The following SHOC1 variants were observed in gnomAD, a reference collection of about 807,000 sequenced individuals.
The protein encoded by SHOC1 is protein shortage in chiasmata 1 ortholog.
Under a neutral mutation model 179.2 loss-of-function variants are expected in SHOC1, and 136 were observed. That is an observed-to-expected ratio of 0.76 (90% CI 0.66 to 0.87). The LOEUF is 0.87. Among genes scored for constraint, SHOC1 ranks in the 40% least tolerant of loss-of-function variants. The probability of loss-of-function intolerance (pLI) is 0.00; values close to 1 mark genes in which losing one functional copy is unlikely to be tolerated. For synonymous variants in SHOC1, 489 were observed against 586.6 expected (o/e 0.83, Z 2.41); for missense variants, 1,538 against 1,700.8 (o/e 0.90, Z 1.68).
At chr9:111,747,605 C>T (rs1001638277) in intron 9 of SHOC1, among the ~76,000 whole-genome samples, 1 of 151,988 alleles carries the variant, frequency 6.6e-6, no homozygotes, top group African/African-American at 2.4e-5. Context: ...TGTTTTGAGA[C>T]AGAGTCTAGC....
intron 5 of SHOC1, among the ~76,000 whole-genome samples, chr9:111,771,510 TAAAGG>T (rs1835606733): frequency 6.6e-6 from 1 of 152,132 alleles, no homozygotes; most frequent in African/African-American, 2.4e-5. Flanking sequence ...AGTGGGTAAA[TAAAGG>T]AAAGTTTTCT....
At chr9:111,787,085 T>G (rs990604170) in intron 2 of SHOC1, among the ~76,000 whole-genome samples, 16 of 152,114 alleles carry the variant, frequency 1.1e-4, no homozygotes, top group African/African-American at 3.9e-4. Context: ...GACCTACTTT[T>G]GGGGGAAAAA....
intron 15 of SHOC1, among the ~76,000 whole-genome samples, chr9:111,719,028 T>A (rs1832921705): frequency 6.6e-6 from 1 of 152,182 alleles, no homozygotes; most frequent in African/African-American, 2.4e-5. Context: ...ATTGATGATC[T>A]ATTCAATGAA....
At chr9:111,751,849 A>G (rs1017025780) in intron 8 of SHOC1, among the ~76,000 whole-genome samples, 23 of 152,240 alleles carry the variant, frequency 1.5e-4, no homozygotes, top group Non-Finnish European at 3.1e-4. Context: ...AGGAATATTC[A>G]TCTACATTTC....
At chr9:111,756,615 A>G in intron 7 of SHOC1, 137 bp from the exon 8 acceptor site, 1 of 683,498 alleles carries the variant, frequency 1.5e-6, no homozygotes, top group Non-Finnish European at 2.4e-6. Flanking sequence ...TTAAAGCTAT[A>G]TATACTTTAA....
rs554150116 is a variant in SHOC1, at chr9:111,732,708, AATAC to A, written c.1418-4663_1418-4660del. On this transcript the variant is annotated intron_variant, in intron 12 of 27. Coordinates refer to ENST00000682961, the MANE Select transcript of SHOC1 (RefSeq NM_001378211.1). The stretch of plus-strand genomic sequence containing the variant: ...AAATTCTAGGATAGGGGAAACATAT[AATAC>A]ATAGTGACAGAAAGTATACCAGTGG... Among the ~76,000 whole-genome samples the A allele has an allele frequency of 1.0e-2, 1,518 of 152,282 alleles. 27 individuals carry two copies. Among genetic ancestry groups the A allele is most frequent in the African/African-American group, 0.034 (1,419 of 41,552 alleles).
Position 111,718,266 on chromosome 9 carries a change from C to A in SHOC1, c.2154G>T (p.Met718Ile), listed in dbSNP as rs1302828579. 3.8e-6 allele frequency: 6 copies of A among 1,593,502 alleles called. No individual in the cohort carries two copies. The highest frequency in any genetic ancestry group is 2.3e-5 in the South Asian group (2 of 86,518). Residue 718 changes from methionine to isoleucine, a missense_variant, in exon 16 of 28, where the codon ATG (methionine) becomes ATT (isoleucine). Met to Ile is a conservative substitution (Grantham distance 10, BLOSUM62 1). Transcript: ENST00000682961. ...VRQGTIDERE[M>I]TFKHAALLHL... ...GTAAGAGAGCGGCATGCTTGAAAGT[C>A]ATTTCTCTTTCATCAATTGTACCTA...
chr9:111,759,668 A>G, intron 5 of SHOC1: 1 of 639,434 alleles, frequency 1.6e-6, no homozygotes, highest in Non-Finnish European at 2.0e-6. Flanking sequence ...CAAGTTCCCA[A>G]AAAAGAAAGC....
intron 22 of SHOC1, among the ~76,000 whole-genome samples, chr9:111,703,071 T>C (rs969307558): frequency 6.6e-5 from 10 of 152,080 alleles, no homozygotes; most frequent in African/African-American, 2.4e-4. Context: ...GATCGTGTCA[T>C]TGCACTCCGG....
In SHOC1 at chr9:111,741,480, A is replaced by G. The variant is rs1269871123; in HGVS notation, c.1170T>C (p.Leu390=). The part of the protein sequence containing the change: ...RCRSPLNPFL[L]TVPRIQEPHS... ...TTAAAGGCAATTAATCTTTACCTGT[A>G]AGCAAAAATGGGTTCAAAGGGCTTC... is the stretch of plus-strand genomic sequence containing the variant. The change falls in exon 11 of 28, where the codon CTT becomes CTC. Residue 390 remains leucine, a synonymous_variant. Transcript: ENST00000682961. 1.9e-6 allele frequency: 3 copies of G among 1,596,376 alleles called. No individual in the cohort carries two copies. The highest frequency in any genetic ancestry group is 2.6e-6 in the Non-Finnish European group (3 of 1,165,520).
In SHOC1 at chr9:111,705,327, C is replaced by A; in HGVS notation, c.2775G>T (p.Leu925Phe). The change falls in exon 21 of 28, where the codon TTG (leucine) becomes TTT (phenylalanine). Residue 925 changes from leucine to phenylalanine, a missense_variant. Leu to Phe is a conservative substitution (Grantham distance 22). Transcript: ENST00000682961. ...AAAACACATATGGAATCTGAATTTC[C>A]AAAAGAAAACCTCCAAATCTATCCA... ...TLLDRFGGFL[L>F]EIQIPYVFFA... 6.3e-7 allele frequency: 1 copy of A among 1,586,066 alleles called. No homozygotes were observed. Among genetic ancestry groups the A allele is most frequent in the Non-Finnish European group, 8.6e-7 (1 of 1,166,428 alleles).
intron 15 of SHOC1, among the ~76,000 whole-genome samples, chr9:111,721,202 G>A (rs1833031322): frequency 1.3e-5 from 2 of 152,150 alleles, no homozygotes; most frequent in South Asian, 2.1e-4. Flanking sequence ...TATGAATTAC[G>A]AGTTTTTCTA....
At chr9:111,720,244 AG>A (rs1479273505) in intron 15 of SHOC1, among the ~76,000 whole-genome samples, 1 of 152,254 alleles carries the variant, frequency 6.6e-6, no homozygotes, top group African/African-American at 2.4e-5. Context: ...ATAGAAAACT[AG>A]GTTGATGTGT....
intron 2 of SHOC1, among the ~76,000 whole-genome samples, chr9:111,789,922 A>AT (rs1255712989): frequency 6.6e-6 from 1 of 152,092 alleles, no homozygotes; most frequent in African/African-American, 2.4e-5. Context: ...TGTCTTTCTT[A>AT]TTTCCTGTAA....
rs2131436241 is a variant in SHOC1 at position 111,727,785 on chromosome 9, G to A, written c.1682C>T (p.Ser561Leu). 6.2e-7 allele frequency: 1 copy of A among 1,613,366 alleles called. No homozygotes were observed. The highest frequency in any genetic ancestry group is 8.5e-7 in the Non-Finnish European group (1 of 1,179,652). Residue 561 changes from serine to leucine, a missense_variant, in exon 13 of 28, where the codon TCA becomes TTA. Transcript: ENST00000682961. ...ELDCTGPSIK[S>L]PSSSIIKKAS... is the part of the protein sequence containing the mutation. Reference sequence around the variant, plus strand: ...TTTTTTAATTATTGAAGAGGAAGGTGATTTAATAGATGGTCCTGTGCAGTC... The same window carrying A: ...TTTTTTAATTATTGAAGAGGAAGGTAATTTAATAGATGGTCCTGTGCAGTC...
In SHOC1 at chr9:111,702,120, T is replaced by G; in HGVS notation, c.3074A>C (p.Glu1025Ala). The G allele has an allele frequency of 6.7e-7, 1 of 1,488,458 alleles. No individual in the cohort carries two copies. The highest frequency in any genetic ancestry group is 9.2e-7 in the Non-Finnish European group (1 of 1,081,770). The allele number at this position is 1,488,458 out of a possible 1,614,324, so 92.2% of individuals were successfully genotyped here. ...GTTTACCTACTCTGAATTTAATGTT[T>G]CTTTGGTATATAAAATTATCCAACA... is the stretch of plus-strand genomic sequence containing the variant. ...RYCWIILYTK[E>A]TLNSEYLLTE... Residue 1025 changes from glutamate (E) to alanine (A), a missense_variant, in exon 23 of 28, where the codon GAA (glutamate) becomes GCA (alanine). Physicochemically the swap from Glu to Ala is moderately radical, Grantham distance 107. Transcript: ENST00000682961.
chr9:111,769,916 A>G (rs1835496233), intron 5 of SHOC1, among the ~76,000 whole-genome samples: 1 of 129,372 alleles, frequency 7.7e-6, no homozygotes, highest in Non-Finnish European at 1.7e-5. Context: ...TTCATTTCTG[A>G]TTTTATTTAT....
chr9:111,704,069 G>T lies in SHOC1; in HGVS notation c.2856-77C>A, dbSNP rs547249547. The T allele has an allele frequency of 3.5e-4, 227 of 646,940 alleles. 1 individual carries two copies. The African/African-American group carries it at 3.8e-3, about 11-fold the overall frequency. 40.1% of individuals were successfully genotyped at this position (646,940 alleles called of 1,614,324 possible). A position where few individuals can be genotyped will look rare whatever the true frequency, so the allele number is the denominator to read the frequency against. ...TTAAGAAAAGTTGTAGTTCCCTCCTGCATGTTAAGTTATTTGGATTTCTAT... is the reference window on the plus strand; with the variant it reads ...TTAAGAAAAGTTGTAGTTCCCTCCTTCATGTTAAGTTATTTGGATTTCTAT... On this transcript the variant is annotated intron_variant, in intron 21 of 27. Coordinates refer to ENST00000682961, the MANE Select transcript of SHOC1 (RefSeq NM_001378211.1).
intron 2 of SHOC1, among the ~76,000 whole-genome samples, chr9:111,789,008 A>G (rs1036031316): frequency 5.3e-5 from 8 of 152,188 alleles, no homozygotes; most frequent in African/African-American, 1.9e-4. Flanking sequence ...ATTCTTCTCT[A>G]TCAAGATCCA....
Sources: gnomAD v4.1 joint callset for allele counts (sites outside exome capture counted in the v4.1 genomes callset) on GRCh38, gnomAD v4.1.1 for gene constraint, MANE v1.5 for transcripts, NCBI Gene and HGNC (gene_info 2026-07-23, HGNC 2026-07-21) for gene names.